Variants in BANK1 observed in about 807,000 individuals in gnomAD.
The protein encoded by BANK1 is B cell scaffold protein with ankyrin repeats 1, also known as B-cell scaffold protein with ankyrin repeats.
A neutral mutation model predicts 94.5 loss-of-function variants in BANK1; 95 were observed. The observed-to-expected ratio is 1.00, with a 90% confidence interval of 0.85 to 1.19. BANK1 has a LOEUF of 1.19. Ranked by LOEUF, BANK1 falls within the 50% of genes most tolerant of loss-of-function variation. BANK1 has a pLI of 0.00. For missense variants in BANK1, 987 were observed against 932.2 expected (o/e 1.06, Z -0.77); for synonymous variants, 334 against 308.4 (o/e 1.08, Z -0.87).
intron 7 of BANK1, among the ~76,000 whole-genome samples, chr4:101,961,110 A>G (rs2148918947): frequency 6.6e-6 from 1 of 152,300 alleles, no homozygotes; most frequent in East Asian, 1.9e-4. Flanking sequence ...ACATGGAAAA[A>G]CATTATTGGC....
chr4:101,920,296 A>G (rs1313745246), intron 7 of BANK1, among the ~76,000 whole-genome samples: 1 of 151,982 alleles, frequency 6.6e-6, no homozygotes, highest in Non-Finnish European at 1.5e-5. Context: ...GGTGCAGCAC[A>G]CCAACATGGC....
intron 7 of BANK1, among the ~76,000 whole-genome samples, chr4:101,977,791 A>G (rs1725185302): frequency 6.6e-6 from 1 of 152,316 alleles, no homozygotes; most frequent in South Asian, 2.1e-4. Flanking sequence ...CTTAAAGACA[A>G]AAATGATAGA....
intron 7 of BANK1, among the ~76,000 whole-genome samples, chr4:101,936,367 A>G (rs1033157228): frequency 6.7e-6 from 1 of 150,098 alleles, no homozygotes; most frequent in African/African-American, 2.4e-5. Flanking sequence ...ATACATGCAT[A>G]TATGTGTGCA....
At chr4:101,999,811 A>G (rs1451121350) in intron 7 of BANK1, among the ~76,000 whole-genome samples, 1 of 152,218 alleles carries the variant, frequency 6.6e-6, no homozygotes, top group Non-Finnish European at 1.5e-5. Flanking sequence ...AAGAATAAGT[A>G]GGAGTCATCC....
chr4:102,009,324 G>T (rs1339244850), intron 7 of BANK1, among the ~76,000 whole-genome samples: 1 of 152,124 alleles, frequency 6.6e-6, no homozygotes, highest in Non-Finnish European at 1.5e-5. Context: ...TGGCCGACTT[G>T]TTTCCCAACT....
At chr4:101,808,320 G>A (rs1377032305) in intron 1 of BANK1, among the ~76,000 whole-genome samples, 1 of 152,012 alleles carries the variant, frequency 6.6e-6, no homozygotes, top group Admixed American at 6.6e-5. Context: ...ATAAAATATT[G>A]ATATTGTCAC....
intron 7 of BANK1, among the ~76,000 whole-genome samples, chr4:101,959,880 T>G (rs1371899131): frequency 1.3e-5 from 2 of 152,166 alleles, no homozygotes; most frequent in African/African-American, 2.4e-5. Flanking sequence ...GAATTTAAAG[T>G]TCTATATCCT....
At chr4:102,038,681 C>T (rs763003151) in intron 10 of BANK1, among the ~76,000 whole-genome samples, 85 of 152,148 alleles carry the variant, frequency 5.6e-4, no homozygotes, top group Non-Finnish European at 8.5e-4. Context: ...TGTCATCACT[C>T]AGAATGGCTC....
chr4:101,962,356 C>A (rs1724600515), intron 7 of BANK1, among the ~76,000 whole-genome samples: 1 of 152,142 alleles, frequency 6.6e-6, no homozygotes, highest in Non-Finnish European at 1.5e-5. Flanking sequence ...CAGGCATTGT[C>A]AAATCTTTTG....
chr4:102,052,737 A>C (rs953771870), intron 11 of BANK1, among the ~76,000 whole-genome samples: 22 of 152,206 alleles, frequency 1.4e-4, no homozygotes, highest in Admixed American at 6.5e-5. Context: ...TTTGAACTTA[A>C]GTGTCCCACT....
chr4:101,848,584 GTCATGCACTT>G (rs1727345094), intron 2 of BANK1, among the ~76,000 whole-genome samples: 1 of 152,144 alleles, frequency 6.6e-6, no homozygotes, highest in African/African-American at 2.4e-5. Flanking sequence ...AGATAATACA[GTCATGCACTT>G]GAGATATAAG....
chr4:102,041,744 C>T (rs755449327), intron 10 of BANK1, among the ~76,000 whole-genome samples: 16 of 151,916 alleles, frequency 1.1e-4, no homozygotes, highest in Non-Finnish European at 1.0e-4. Context: ...CCAGCTGTTC[C>T]GAATATAAGC....
chr4:102,035,681 T>C (rs1727487178), intron 10 of BANK1, among the ~76,000 whole-genome samples: 1 of 151,924 alleles, frequency 6.6e-6, no homozygotes, highest in Admixed American at 6.6e-5. Flanking sequence ...CCCATGTTGA[T>C]TTTTTTTATC....
intron 1 of BANK1, among the ~76,000 whole-genome samples, chr4:101,810,046 G>A (rs146294827): frequency 3.9e-4 from 60 of 152,294 alleles, no homozygotes; most frequent in African/African-American, 1.3e-3. Flanking sequence ...AGAGTGAAAA[G>A]GGAGGCAGAA....
intron 1 of BANK1, among the ~76,000 whole-genome samples, chr4:101,810,868 A>G (rs1402597334): frequency 6.6e-6 from 1 of 152,182 alleles, no homozygotes; most frequent in Non-Finnish European, 1.5e-5. Context: ...TTAGGCATTT[A>G]CTGCATTTTG....
chr4:102,069,925 C>A (rs1489091265), intron 13 of BANK1, among the ~76,000 whole-genome samples: 1 of 152,098 alleles, frequency 6.6e-6, no homozygotes, highest in East Asian at 1.9e-4. Flanking sequence ...TGTAGTATTC[C>A]ATCTATCTGG....
intron 7 of BANK1, among the ~76,000 whole-genome samples, chr4:101,990,157 T>C (rs1725653694): frequency 1.3e-5 from 2 of 152,198 alleles, no homozygotes; most frequent in African/African-American, 2.4e-5. Flanking sequence ...TATTGGCATA[T>C]AATCAAAAAG....
At chr4:101,928,776 C>A (rs75453554) in intron 7 of BANK1, among the ~76,000 whole-genome samples, 1 of 151,752 alleles carries the variant, frequency 6.6e-6, no homozygotes, top group East Asian at 2.0e-4. Context: ...GCTAAATAAG[C>A]CCACAGTGCA....
chr4:102,039,334 G>C (rs903260188), intron 10 of BANK1, among the ~76,000 whole-genome samples: 1 of 152,016 alleles, frequency 6.6e-6, no homozygotes, highest in Non-Finnish European at 1.5e-5. Flanking sequence ...AGTCTGTCTT[G>C]GTGAATTTGC....
Sources: gnomAD v4.1 joint callset for allele counts (sites outside exome capture counted in the v4.1 genomes callset) on GRCh38, gnomAD v4.1.1 for gene constraint, MANE v1.5 for transcripts, NCBI Gene and HGNC (gene_info 2026-07-23, HGNC 2026-07-21) for gene names.